Variants in MLXIP observed in about 807,000 individuals in gnomAD.
The protein encoded by MLXIP is MLX-interacting protein.
In MLXIP, 30 loss-of-function variants were observed where a neutral mutation model predicts 87.2. The ratio of observed to expected loss-of-function variants is 0.34; its 90% CI spans 0.26 to 0.47. MLXIP has a LOEUF of 0.47. Among genes scored for constraint, MLXIP ranks in the 20% least tolerant of loss-of-function variants. MLXIP has a pLI of 1.00. For synonymous variants in MLXIP, 530 were observed against 514.0 expected, an observed-to-expected ratio of 1.03 and a Z score of -0.42; for missense variants, 1,002 against 1,240.1, an observed-to-expected ratio of 0.81 and a Z score of 2.88.
chr12:122,116,799 G>A (rs573283249), intron 1 of MLXIP, among the ~76,000 whole-genome samples: 1 of 152,326 alleles, frequency 6.6e-6, no homozygotes, highest in South Asian at 2.1e-4. Flanking sequence ...CCAGTGTGGT[G>A]GATGTGGTCA....
intron 1 of MLXIP, among the ~76,000 whole-genome samples, chr12:122,117,269 C>A (rs899064534): frequency 2.0e-5 from 3 of 152,198 alleles, no homozygotes; most frequent in Admixed American, 6.5e-5. Flanking sequence ...GACCTGAAAC[C>A]CCCTGGGGTT....
Position 122,146,261 on chromosome 12 carries a change from A to T in MLXIP, c.*4449A>T, listed in dbSNP as rs931972415. 2 of 152,428 alleles carry T rather than the reference A, an allele frequency of 1.3e-5. No homozygotes were observed. Among genetic ancestry groups the T allele is most frequent in the African/African-American group, 4.8e-5 (2 of 41,468 alleles). The allele number at this position is 152,428 out of a possible 1,614,324, so 9.4% of individuals were successfully genotyped here. A position where few individuals can be genotyped will look rare whatever the true frequency, so the allele number is the denominator to read the frequency against. On this transcript the variant is annotated 3_prime_UTR_variant, in exon 17 of 17. Coordinates refer to ENST00000319080, the MANE Select transcript of MLXIP (RefSeq NM_014938.6). ...GCACACTTGTCAGGGGAGAGGGGAC[A>T]GCAAGGTGGGAGGTTGAAGAGCTTT...
intron 1 of MLXIP, among the ~76,000 whole-genome samples, chr12:122,097,376 T>A (rs969801697): frequency 2.6e-5 from 4 of 151,994 alleles, no homozygotes; most frequent in Admixed American, 1.3e-4. Context: ...ATCACAGCAC[T>A]TTGGGAGGCT....
chr12:122,086,280 T>G (rs1341624506), intron 1 of MLXIP, among the ~76,000 whole-genome samples: 1 of 151,690 alleles, frequency 6.6e-6, no homozygotes, highest in Non-Finnish European at 1.5e-5. Context: ...TTTGTTACAG[T>G]GACAACAGGA....
intron 1 of MLXIP, among the ~76,000 whole-genome samples, chr12:122,087,017 C>T (rs984184639): frequency 6.6e-6 from 1 of 152,138 alleles, no homozygotes; most frequent in East Asian, 1.9e-4. Context: ...CCTGCCAGGG[C>T]CTGTGTCTCA....
intron 7 of MLXIP, 27 bp downstream of exon 7, chr12:122,130,960 G>T (rs368999745): frequency 1.3e-6 from 2 of 1,502,782 alleles, no homozygotes; most frequent in Admixed American, 3.3e-5. Context: ...GAGAGAGCAC[G>T]GTTGCCTCCA....
At chr12:122,080,813 G>A (rs985650118) in intron 1 of MLXIP, among the ~76,000 whole-genome samples, 1 of 152,252 alleles carries the variant, frequency 6.6e-6, no homozygotes, top group Non-Finnish European at 1.5e-5. Context: ...CTGGATCGCA[G>A]CATATGCTAT....
chr12:122,130,960 G>A (rs368999745), intron 7 of MLXIP, 27 bp downstream of exon 7: 225 of 1,502,660 alleles, frequency 1.5e-4, no homozygotes, highest in Non-Finnish European at 1.9e-4. Flanking sequence ...GAGAGAGCAC[G>A]GTTGCCTCCA....
At chr12:122,111,576 C>G (rs1034984976) in intron 1 of MLXIP, among the ~76,000 whole-genome samples, 1 of 152,118 alleles carries the variant, frequency 6.6e-6, no homozygotes, top group African/African-American at 2.4e-5. Context: ...GTGGCTTAGC[C>G]GTTTGGTCAG....
intron 1 of MLXIP, among the ~76,000 whole-genome samples, chr12:122,113,835 C>G (rs1329063112): frequency 6.6e-6 from 1 of 151,884 alleles, no homozygotes; most frequent in Non-Finnish European, 1.5e-5. Context: ...CAGGCACCCG[C>G]CAGCATGCCT....
intron 1 of MLXIP, among the ~76,000 whole-genome samples, chr12:122,092,497 G>A (rs897780177): frequency 1.3e-5 from 2 of 152,086 alleles, no homozygotes; most frequent in African/African-American, 4.8e-5. Flanking sequence ...CCAAATCTAA[G>A]ACTGCCTGGT....
chr12:122,134,275 A>T, intron 9 of MLXIP: 1 of 399,988 alleles, frequency 2.5e-6, no homozygotes, highest in South Asian at 4.7e-5. Flanking sequence ...GCTCACTGCA[A>T]CCGCCCCCTC....
At chr12:122,113,677 A>ATTTATTTT (rs1305197741) in intron 1 of MLXIP, among the ~76,000 whole-genome samples, 1 of 87,946 alleles carries the variant, frequency 1.1e-5, no homozygotes, top group Non-Finnish European at 2.3e-5. Context: ...AACTGCCTTC[A>ATTTATTTT]TTTCTTTTTT....
intron 1 of MLXIP, among the ~76,000 whole-genome samples, chr12:122,115,542 C>G (rs1416361459): frequency 1.5e-5 from 2 of 136,846 alleles, no homozygotes; most frequent in African/African-American, 5.7e-5. Flanking sequence ...GAGTGAAGAT[C>G]GCACCATTGC....
In MLXIP at chr12:122,078,795, C is replaced by T. The variant is rs1273859631; in HGVS notation, c.-59C>T. On this transcript the variant is annotated 5_prime_UTR_variant, in exon 1 of 17. Transcript: ENST00000319080. ...CCGGGCCGGGCCGGCGCCCCTCTGC[C>T]TCGCGCGCTTGTCGCGTTGCCCCGG... 2.9e-5 allele frequency: 30 copies of T among 1,029,440 alleles called. No individual in the cohort carries two copies. Among genetic ancestry groups the T allele is most frequent in the Non-Finnish European group, 3.3e-5 (28 of 860,180 alleles). 63.8% of individuals were successfully genotyped at this position (1,029,440 alleles called of 1,614,324 possible). A position where few individuals can be genotyped will look rare whatever the true frequency, so the allele number is the denominator to read the frequency against.
intron 1 of MLXIP, among the ~76,000 whole-genome samples, chr12:122,097,942 C>G (rs1386676888): frequency 6.6e-6 from 1 of 152,190 alleles, no homozygotes; most frequent in African/African-American, 2.4e-5. Context: ...TTGGCCTTGA[C>G]CTTTCACAGT....
intron 1 of MLXIP, among the ~76,000 whole-genome samples, chr12:122,081,459 G>A (rs545749424): frequency 2.2e-4 from 33 of 152,308 alleles, no homozygotes; most frequent in Middle Eastern, 3.4e-3. Context: ...AGAAACTAGA[G>A]GAAGGTGAGT....
intron 7 of MLXIP, among the ~76,000 whole-genome samples, chr12:122,131,350 A>G (rs1484781506): frequency 2.6e-5 from 4 of 151,842 alleles, no homozygotes; most frequent in Non-Finnish European, 4.4e-5. Context: ...CTTTCTACAG[A>G]AAAAAAGGTG....
rs149886942 is a variant in MLXIP, at chr12:122,142,616, C to T, written c.*804C>T. On this transcript the variant is annotated 3_prime_UTR_variant, in exon 17 of 17. Coordinates refer to ENST00000319080, the MANE Select transcript of MLXIP (RefSeq NM_014938.6). ...CACCTCACCGCTGTGGCCCTTCTGC[C>T]GTTCTTCTCCACTTGGCTCCAGCTG... The T allele has an allele frequency of 4.7e-3, 1,319 of 279,648 alleles. 9 individuals are homozygous for T. The highest frequency in any genetic ancestry group is 0.018 in the African/African-American group (813 of 45,676). 17.3% of individuals were successfully genotyped at this position (279,648 alleles called of 1,614,324 possible). A position where few individuals can be genotyped will look rare whatever the true frequency, so the allele number is the denominator to read the frequency against.
Sources: gnomAD v4.1 joint callset for allele counts (sites outside exome capture counted in the v4.1 genomes callset) on GRCh38, gnomAD v4.1.1 for gene constraint, MANE v1.5 for transcripts, NCBI Gene and HGNC (gene_info 2026-07-23, HGNC 2026-07-21) for gene names.